Variants in TRPS1 observed in about 807,000 individuals in gnomAD.
TRPS1 encodes the protein zinc finger transcription factor Trps1.
TRPS1 carries 6 observed loss-of-function variants against 101.2 expected under a neutral mutation model. The observed-to-expected ratio is 0.06, with a 90% CI of 0.03 to 0.12. The LOEUF is 0.12. Among genes scored for constraint, TRPS1 ranks in the 10% least tolerant of loss-of-function variants. TRPS1 has a pLI of 1.00. For synonymous variants in TRPS1, 578 were observed against 589.8 expected, an observed-to-expected ratio of 0.98 and a Z score of 0.29; for missense variants, 1,363 against 1,567.0, an observed-to-expected ratio of 0.87 and a Z score of 2.20.
intron 1 of TRPS1, among the ~76,000 whole-genome samples, chr8:115,657,479 G>T (rs552801742): frequency 6.6e-6 from 1 of 152,220 alleles, no homozygotes; most frequent in East Asian, 1.9e-4. Flanking sequence ...TAAGCTACCA[G>T]AAACAAGTAA....
chr8:115,646,787 T>C (rs1819034382), intron 1 of TRPS1, among the ~76,000 whole-genome samples: 1 of 152,210 alleles, frequency 6.6e-6, no homozygotes, highest in Non-Finnish European at 1.5e-5. Flanking sequence ...CATAAGGTCA[T>C]GGTTTTCTCT....
intron 5 of TRPS1, among the ~76,000 whole-genome samples, chr8:115,432,440 TAC>T (rs199904281): frequency 0.024 from 3,621 of 151,920 alleles, 140 homozygotes; most frequent in African/African-American, 0.083. Flanking sequence ...TGTGTAGATA[TAC>T]ACACATACAC....
At chr8:115,427,116 T>C (rs900734921) in intron 5 of TRPS1, among the ~76,000 whole-genome samples, 1 of 151,374 alleles carries the variant, frequency 6.6e-6, no homozygotes, top group African/African-American at 2.4e-5. Flanking sequence ...CTACAAAAAG[T>C]TAAAAAAAAA....
At chr8:115,562,653 A>T (rs1816972923) in intron 5 of TRPS1, among the ~76,000 whole-genome samples, 2 of 152,100 alleles carry the variant, frequency 1.3e-5, no homozygotes, top group South Asian at 4.1e-4. Flanking sequence ...CAAAATTTTG[A>T]ATTTTTTTTC....
chr8:115,623,880 G>C, intron 1 of TRPS1, 122 bp from the exon 2 acceptor site: 1 of 904,784 alleles, frequency 1.1e-6, no homozygotes, highest in Non-Finnish European at 1.5e-6. Flanking sequence ...ATAAAAGCAT[G>C]AGCAAATCTG....
chr8:115,658,627 A>G (rs769657185), intron 1 of TRPS1, among the ~76,000 whole-genome samples: 1 of 152,144 alleles, frequency 6.6e-6, no homozygotes, highest in Non-Finnish European at 1.5e-5. Flanking sequence ...CCAAGGACAC[A>G]CTGAATCGTT....
intron 1 of TRPS1, among the ~76,000 whole-genome samples, chr8:115,635,003 T>C (rs377391014): frequency 7.9e-5 from 12 of 152,132 alleles, no homozygotes; most frequent in East Asian, 5.8e-4. Flanking sequence ...TAAGCTAAAA[T>C]AATAGATGAA....
intron 5 of TRPS1, among the ~76,000 whole-genome samples, chr8:115,452,442 A>G (rs530830320): frequency 4.1e-4 from 63 of 152,306 alleles, no homozygotes; most frequent in African/African-American, 1.4e-3. Flanking sequence ...TATATTATGT[A>G]TTATATATTT....
At chr8:115,483,532 C>CAAAAAAAAAAA (rs67338348) in intron 5 of TRPS1, among the ~76,000 whole-genome samples, 1 of 109,962 alleles carries the variant, frequency 9.1e-6, no homozygotes. Flanking sequence ...GACCTTGTCT[C>CAAAAAAAAAAA]AAAAAAAAAA....
intron 5 of TRPS1, among the ~76,000 whole-genome samples, chr8:115,489,611 T>C (rs962329430): frequency 6.6e-6 from 1 of 152,290 alleles, no homozygotes; most frequent in African/African-American, 2.4e-5. Flanking sequence ...TGAGGCCACA[T>C]TATGTTTGAA....
intron 5 of TRPS1, among the ~76,000 whole-genome samples, chr8:115,565,340 T>G (rs1259565421): frequency 6.6e-6 from 1 of 152,118 alleles, no homozygotes; most frequent in Non-Finnish European, 1.5e-5. Context: ...CAACTGTGTA[T>G]CCCATTGGTA....
rs1586465438 is a variant in TRPS1 at position 115,620,175 on chromosome 8, C to G, written c.38-115G>C. On this transcript the variant is annotated intron_variant, in intron 2 of 6. Transcript: ENST00000395715. Reference sequence around the variant, plus strand: ...TTTTAAGGTGCATAATCAAATGCTTCCTCTAGGAAAAAAAAAAAAACCCAT... The same window carrying G: ...TTTTAAGGTGCATAATCAAATGCTTGCTCTAGGAAAAAAAAAAAAACCCAT... The G allele has an allele frequency of 1.7e-5, 16 of 953,132 alleles. No individual in the cohort carries two copies. The East Asian group carries it at 4.5e-4, about 27-fold the overall frequency. The allele number at this position is 953,132 out of a possible 1,614,324, so 59.0% of individuals were successfully genotyped here.
At chr8:115,557,277 G>T (rs770770408) in intron 5 of TRPS1, among the ~76,000 whole-genome samples, 9 of 152,040 alleles carry the variant, frequency 5.9e-5, no homozygotes, top group Non-Finnish European at 1.0e-4. Flanking sequence ...CTATATCACT[G>T]GTTATTTAAG....
At chr8:115,529,439 T>TA (rs1816078062) in intron 5 of TRPS1, among the ~76,000 whole-genome samples, 1 of 152,110 alleles carries the variant, frequency 6.6e-6, no homozygotes, top group African/African-American at 2.4e-5. Context: ...TCCATGTTTT[T>TA]ATGCTAATTA....
chr8:115,521,562 T>C (rs1401207072), intron 5 of TRPS1, among the ~76,000 whole-genome samples: 1 of 151,908 alleles, frequency 6.6e-6, no homozygotes, highest in Non-Finnish European at 1.5e-5. Flanking sequence ...ATATCCACGA[T>C]GTGTTAATAA....
At chr8:115,503,071 G>A (rs1815356415) in intron 5 of TRPS1, among the ~76,000 whole-genome samples, 1 of 151,932 alleles carries the variant, frequency 6.6e-6, no homozygotes, top group Non-Finnish European at 1.5e-5. Context: ...AGACCATCCT[G>A]GCTAACACGA....
In TRPS1 at chr8:115,620,070, T is replaced by G. The variant is rs1438213140; in HGVS notation, c.38-10A>C. ...TTTTTCCGGACCATATCTGCAAAGA[T>G]AAAGGGAAAAGGCAGATACAGTGTT... On this transcript the variant is annotated splice_polypyrimidine_tract_variant and intron_variant, in intron 2 of 6. Coordinates refer to ENST00000395715, the MANE Select transcript of TRPS1 (RefSeq NM_014112.5). The G allele has an allele frequency of 1.2e-5, 19 of 1,613,420 alleles. No individual in the cohort carries two copies. Among genetic ancestry groups the G allele is most frequent in the Non-Finnish European group, 1.5e-5 (18 of 1,179,748 alleles).
chr8:115,494,524 T>C (rs764216749), intron 5 of TRPS1, among the ~76,000 whole-genome samples: 8 of 152,202 alleles, frequency 5.3e-5, no homozygotes, highest in Admixed American at 1.3e-4. Context: ...TTTAAAACAA[T>C]TGATTTTAGC....
At chr8:115,434,400 C>T (rs1045700774) in intron 5 of TRPS1, among the ~76,000 whole-genome samples, 8 of 152,144 alleles carry the variant, frequency 5.3e-5, no homozygotes, top group Non-Finnish European at 1.2e-4. Context: ...GTTATTGTAA[C>T]ATAATCCCTG....
Sources: gnomAD v4.1 joint callset for allele counts (sites outside exome capture counted in the v4.1 genomes callset) on GRCh38, gnomAD v4.1.1 for gene constraint, MANE v1.5 for transcripts, NCBI Gene and HGNC (gene_info 2026-07-23, HGNC 2026-07-21) for gene names.